The following PRH1 variants were observed in gnomAD, a reference collection of about 807,000 sequenced individuals.
PRH1 encodes the protein proline rich protein HaeIII subfamily 1, also known as salivary acidic proline-rich phosphoprotein 1/2.
PRH1 carries 7 observed loss-of-function variants against 7.9 expected under a neutral mutation model. The ratio of observed to expected loss-of-function variants is 0.89; its 90% CI spans 0.50 to 1.67. PRH1 has a LOEUF of 1.67. Among genes scored for constraint, PRH1 ranks in the 40% most tolerant of loss-of-function variants. The probability of loss-of-function intolerance (pLI) is 0.00; values close to 1 mark genes in which losing one functional copy is unlikely to be tolerated. For missense variants in PRH1, 109 were observed against 223.6 expected (o/e 0.49, Z 3.27); for synonymous variants, 45 against 80.8 (o/e 0.56, Z 2.38).
intron 1 of PRH1, among the ~76,000 whole-genome samples, chr12:11,127,540 T>A (rs1241804841): frequency 6.6e-6 from 1 of 152,282 alleles, no homozygotes; most frequent in Non-Finnish European, 1.5e-5. Flanking sequence ...GGAAGGCCAA[T>A]ATTCCTTGAA....
intron 1 of PRH1, among the ~76,000 whole-genome samples, chr12:10,993,804 C>A (rs1363625373): frequency 2.0e-5 from 3 of 152,116 alleles, no homozygotes; most frequent in Non-Finnish European, 2.9e-5. Context: ...CAGCAGAATT[C>A]AAACCCGCTA....
chr12:10,890,414 T>C (rs1949554605), intron 2 of PRH1, among the ~76,000 whole-genome samples: 1 of 152,192 alleles, frequency 6.6e-6, no homozygotes, highest in African/African-American at 2.4e-5. Flanking sequence ...TGTGTGTGTG[T>C]GTGTGCACTG....
intron 1 of PRH1, among the ~76,000 whole-genome samples, chr12:11,044,804 A>G (rs1942846608): frequency 6.6e-6 from 1 of 152,222 alleles, no homozygotes; most frequent in Admixed American, 6.5e-5. Flanking sequence ...AAAGGCATGT[A>G]ACAAGTGCTG....
At chr12:10,906,306 T>C (rs1387975947) in intron 2 of PRH1, among the ~76,000 whole-genome samples, 1 of 152,180 alleles carries the variant, frequency 6.6e-6, no homozygotes. Context: ...TAAAATATCT[T>C]TGAGTTTTGA....
chr12:10,959,514 T>G (rs1938134293), intron 2 of PRH1, among the ~76,000 whole-genome samples: 1 of 152,054 alleles, frequency 6.6e-6, no homozygotes, highest in Non-Finnish European at 1.5e-5. Context: ...AAAAATTAAC[T>G]CATAAGTAAT....
intron 1 of PRH1, among the ~76,000 whole-genome samples, chr12:11,065,181 G>T (rs951209623): frequency 1.3e-5 from 2 of 152,056 alleles, no homozygotes; most frequent in Non-Finnish European, 2.9e-5. Flanking sequence ...ATTTTTGTCT[G>T]TTGAAAATCA....
At chr12:11,096,971 C>T (rs189352904) in intron 1 of PRH1, among the ~76,000 whole-genome samples, 2,926 of 113,250 alleles carry the variant, frequency 0.026, 857 homozygotes, top group South Asian at 0.041. Context: ...CTAATTTTTT[C>T]GTATTTTTAG....
At chr12:11,098,339 A>G (rs2443094) in intron 1 of PRH1, among the ~76,000 whole-genome samples, 68,664 of 151,026 alleles carry the variant, frequency 0.45, 16,430 homozygotes, top group Non-Finnish European at 0.53. Flanking sequence ...CGTGTTAACT[A>G]ATGAGTTCAA....
intron 2 of PRH1, chr12:10,909,307 A>C: frequency 1.3e-6 from 2 of 1,598,270 alleles, no homozygotes; most frequent in East Asian, 2.2e-5. Flanking sequence ...ATGTCAGAAC[A>C]GAGAAAGTTC....
At chr12:11,086,700 G>A (rs1346921872) in intron 1 of PRH1, among the ~76,000 whole-genome samples, 1 of 122,818 alleles carries the variant, frequency 8.1e-6, no homozygotes, top group South Asian at 2.2e-4. Flanking sequence ...CATCACCTGA[G>A]GTCAGGAGTT....
At chr12:11,055,491 C>G (rs550888825) in intron 1 of PRH1, among the ~76,000 whole-genome samples, 1 of 152,374 alleles carries the variant, frequency 6.6e-6, no homozygotes, top group African/African-American at 2.4e-5. Context: ...TGACTAATGT[C>G]AAGCAGGAAC....
chr12:10,882,192 G>C, intron 3 of PRH1, 25 bp downstream of exon 3: 1 of 1,611,966 alleles, frequency 6.2e-7, no homozygotes, highest in South Asian at 1.1e-5. Context: ...TGGAGCCTTT[G>C]ATGGATAATA....
chr12:11,071,156 T>C (rs567019557), intron 1 of PRH1, among the ~76,000 whole-genome samples: 3 of 119,054 alleles, frequency 2.5e-5, no homozygotes, highest in Non-Finnish European at 6.0e-5. Context: ...TGACAGTCAA[T>C]TTGCAGACCA....
At chr12:10,923,147 CAG>C (rs1447862215) in intron 2 of PRH1, among the ~76,000 whole-genome samples, 2 of 142,280 alleles carry the variant, frequency 1.4e-5, no homozygotes, top group Non-Finnish European at 3.0e-5. Context: ...TTTTTTGAGA[CAG>C]AGTTTTGCTC....
intron 2 of PRH1, among the ~76,000 whole-genome samples, chr12:10,925,094 C>T (rs1771211432): frequency 6.6e-6 from 1 of 152,162 alleles, no homozygotes; most frequent in Non-Finnish European, 1.5e-5. Flanking sequence ...GTGGATTCAA[C>T]TGTAAAAGTG....
intron 1 of PRH1, among the ~76,000 whole-genome samples, chr12:11,098,336 A>C (rs1249185987): frequency 6.6e-6 from 1 of 151,692 alleles, no homozygotes; most frequent in Non-Finnish European, 1.5e-5. Context: ...TGGCGTGTTA[A>C]CTAATGAGTT....
At chr12:11,056,514 G>C (rs1187293248) in intron 1 of PRH1, among the ~76,000 whole-genome samples, 2 of 152,148 alleles carry the variant, frequency 1.3e-5, no homozygotes, top group Non-Finnish European at 2.9e-5. Context: ...ACTACTCCCT[G>C]CCTCAGTATT....
At chr12:11,028,338 C>A (rs1033542255) in intron 1 of PRH1, among the ~76,000 whole-genome samples, 2 of 152,198 alleles carry the variant, frequency 1.3e-5, no homozygotes, top group Admixed American at 6.5e-5. Context: ...CCTTGTAGCC[C>A]TTCTGGAAAA....
chr12:11,133,625 T>C lies in PRH1; in HGVS notation n.40-12445A>G, dbSNP rs778646326. 18 of 1,614,294 alleles carry C rather than the reference T, an allele frequency of 1.1e-5. No individual in the cohort carries two copies. In the South Asian group the frequency reaches 2.0e-4, roughly 18 times the overall value. On this transcript the variant is annotated intron_variant and non_coding_transcript_variant, in intron 1 of 1. Coordinates refer to the PRH1 transcript ENST00000541175. ...TCCTTTGCCATGGAGCTGCATCTTC[T>C]TGAGATGTTTACACAGAGAACAGAT...
Sources: allele counts gnomAD v4.1 joint callset (sites outside exome capture counted in the v4.1 genomes callset), GRCh38; gene constraint gnomAD v4.1.1; transcripts MANE v1.5; gene names NCBI Gene and HGNC (gene_info 2026-07-23, HGNC 2026-07-21).